Variants in FHOD3 observed in about 807,000 individuals in gnomAD.
The protein encoded by FHOD3 is FH1/FH2 domain-containing protein 3.
A neutral mutation model predicts 173.0 loss-of-function variants in FHOD3; 90 were observed. That is an observed-to-expected ratio of 0.52 (90% CI 0.44 to 0.62). The LOEUF is 0.62. FHOD3 is among the 20% of genes least tolerant of loss of function. The pLI is 0.00. For synonymous variants in FHOD3, 828 were observed against 823.0 expected (o/e 1.01, Z -0.10); for missense variants, 1,945 against 2,034.7 (o/e 0.96, Z 0.85).
chr18:36,765,134 G>A (rs1387451715), intron 27 of FHOD3, among the ~76,000 whole-genome samples: 1 of 152,206 alleles, frequency 6.6e-6, no homozygotes, highest in Non-Finnish European at 1.5e-5. Flanking sequence ...ATGGGGGTTG[G>A]AGGGAGGAAG....
chr18:36,647,864 T>TA (rs1436891386), intron 10 of FHOD3, among the ~76,000 whole-genome samples: 1 of 152,218 alleles, frequency 6.6e-6, no homozygotes, highest in Non-Finnish European at 1.5e-5. Flanking sequence ...AAAGCTAACT[T>TA]ACACTATTTG....
rs574744190 is a variant in FHOD3, at chr18:36,672,959, A to G, written c.1836-8477A>G. Among the ~76,000 whole-genome samples, 6 of 152,310 alleles carry G rather than the reference A, an allele frequency of 3.9e-5. No individual in the cohort carries two copies. In the East Asian group the frequency reaches 1.2e-3, roughly 29 times the overall value. ...GCTTAGTGCAACTGAAAAATCTAGT[A>G]TATTTTAATCTCTCCTATTTGTCTT... On this transcript the variant is annotated intron_variant, in intron 14 of 28. Coordinates refer to ENST00000590592, the MANE Select transcript of FHOD3 (RefSeq NM_001281740.3).
rs2036133510 is a variant in FHOD3, at chr18:36,652,550, C to T, written c.1287-20C>T. 5.3e-6 allele frequency: 8 copies of T among 1,513,162 alleles called. No individual in the cohort carries two copies. The highest frequency in any genetic ancestry group is 1.2e-5 in the South Asian group (1 of 82,580). 93.7% of individuals were successfully genotyped at this position (1,513,162 alleles called of 1,614,324 possible). On this transcript the variant is annotated intron_variant, in intron 11 of 28. Coordinates refer to ENST00000590592, the MANE Select transcript of FHOD3 (RefSeq NM_001281740.3). Reference sequence around the variant, plus strand: ...CAAATCTTTTTTTCTTCTTCCTCCTCCTCCCTGCTGGCCCAACAGCAAGGT... The same window carrying T: ...CAAATCTTTTTTTCTTCTTCCTCCTTCTCCCTGCTGGCCCAACAGCAAGGT...
intron 3 of FHOD3, among the ~76,000 whole-genome samples, chr18:36,483,915 C>A (rs2054060705): frequency 6.6e-6 from 1 of 152,170 alleles, no homozygotes; most frequent in African/African-American, 2.4e-5. Context: ...TAACTACATG[C>A]CCCGAGGTCA....
chr18:36,663,025 T>C (rs915252326), intron 14 of FHOD3, among the ~76,000 whole-genome samples: 1 of 152,244 alleles, frequency 6.6e-6, no homozygotes, highest in Non-Finnish European at 1.5e-5. Context: ...TCATTGTTCT[T>C]TTTTACTTCA....
intron 5 of FHOD3, among the ~76,000 whole-genome samples, 173 bp from the exon 6 acceptor site, chr18:36,576,278 C>T (rs1434081167): frequency 1.3e-5 from 2 of 152,198 alleles, no homozygotes; most frequent in Non-Finnish European, 2.9e-5. Context: ...GTGTTCGACA[C>T]TTTCTCTCTG....
chr18:36,469,950 T>C (rs1215704560), intron 3 of FHOD3, among the ~76,000 whole-genome samples: 2 of 152,196 alleles, frequency 1.3e-5, no homozygotes, highest in Non-Finnish European at 2.9e-5. Context: ...AATTATGGAA[T>C]GCATATGTGT....
chr18:36,360,013 A>C (rs1404463055), intron 2 of FHOD3, among the ~76,000 whole-genome samples: 1 of 152,220 alleles, frequency 6.6e-6, no homozygotes, highest in Non-Finnish European at 1.5e-5. Context: ...ACTTTTAGTT[A>C]AGAGACCTCG....
rs537191499 is a variant in FHOD3, at chr18:36,670,372, G to A, written c.1836-11064G>A. Among the ~76,000 whole-genome samples the A allele has an allele frequency of 5.9e-5, 9 of 152,016 alleles. No individual in the cohort carries two copies. In the South Asian group the frequency reaches 1.9e-3, roughly 32 times the overall value. On this transcript the variant is annotated intron_variant, in intron 14 of 28. Coordinates refer to ENST00000590592, the MANE Select transcript of FHOD3 (RefSeq NM_001281740.3). ...TGATAACTCTAATAGCATGTATATT[G>A]GGTCATTTGAAGTTTCCACAAAGTT...
intron 3 of FHOD3, among the ~76,000 whole-genome samples, chr18:36,469,411 G>A (rs935039732): frequency 1.3e-5 from 2 of 152,012 alleles, no homozygotes; most frequent in Admixed American, 6.6e-5. Flanking sequence ...TGTCCTGCCC[G>A]GTGCTCCAAC....
At chr18:36,336,286 G>A (rs573477636) in intron 1 of FHOD3, among the ~76,000 whole-genome samples, 119 of 152,160 alleles carry the variant, frequency 7.8e-4, no homozygotes, top group Non-Finnish European at 1.6e-3. Context: ...TGTCACAAAC[G>A]TGTCACTGCC....
chr18:36,371,574 G>A (rs2047188981), intron 2 of FHOD3, among the ~76,000 whole-genome samples: 1 of 152,142 alleles, frequency 6.6e-6, no homozygotes, highest in South Asian at 2.1e-4. Context: ...TATTTGGGTG[G>A]AGACACAACC....
At chr18:36,450,487 A>T (rs28579436) in intron 3 of FHOD3, among the ~76,000 whole-genome samples, 25,637 of 149,648 alleles carry the variant, frequency 0.17, 2,809 homozygotes, top group East Asian at 0.29. Flanking sequence ...TTATTTATTT[A>T]ATTTTTAAAG....
rs543403715 is a variant in FHOD3, at chr18:36,750,047, T to TG, written c.4232+2918dup. On this transcript the variant is annotated intron_variant, in intron 24 of 28. Transcript: ENST00000590592. ...GCTCACGCCTGTAATCCCAGCATTT[T>TG]GGGGGGCCAAGGTGGGTGGATCACG... Among the ~76,000 whole-genome samples the TG allele has an allele frequency of 4.1e-3, 618 of 152,244 alleles. 3 individuals carry two copies. The highest frequency in any genetic ancestry group is 0.014 in the African/African-American group (585 of 41,544).
intron 5 of FHOD3, among the ~76,000 whole-genome samples, chr18:36,555,209 C>G (rs1025719616): frequency 9.2e-5 from 14 of 152,090 alleles, no homozygotes; most frequent in African/African-American, 3.4e-4. Context: ...TTAGAAGCAT[C>G]CCATACATTT....
chr18:36,422,953 T>C (rs2050061360), intron 3 of FHOD3, among the ~76,000 whole-genome samples: 2 of 152,084 alleles, frequency 1.3e-5, no homozygotes. Flanking sequence ...AAAGGAAACC[T>C]CCCAGCAAGA....
intron 3 of FHOD3, among the ~76,000 whole-genome samples, chr18:36,499,345 C>T (rs950573931): frequency 2.0e-4 from 31 of 152,118 alleles, no homozygotes; most frequent in Non-Finnish European, 8.8e-5. Flanking sequence ...CTCAAGTGAT[C>T]CGCCTGCCTC....
intron 14 of FHOD3, among the ~76,000 whole-genome samples, chr18:36,680,681 T>A (rs2038176117): frequency 6.6e-6 from 1 of 152,260 alleles, no homozygotes; most frequent in Admixed American, 6.5e-5. Context: ...TCTTGTGTGA[T>A]GTTACTAATA....
intron 17 of FHOD3, among the ~76,000 whole-genome samples, chr18:36,693,867 C>G (rs1368755664): frequency 6.6e-6 from 1 of 152,008 alleles, no homozygotes; most frequent in South Asian, 2.1e-4. Context: ...AAATGTGGAC[C>G]TAGTGAAAAT....
Sources: gnomAD v4.1 joint callset for allele counts (sites outside exome capture counted in the v4.1 genomes callset) on GRCh38, gnomAD v4.1.1 for gene constraint, MANE v1.5 for transcripts, NCBI Gene and HGNC (gene_info 2026-07-23, HGNC 2026-07-21) for gene names.